TMEM74: variants seen among roughly 807,000 people sequenced by gnomAD.
TMEM74 encodes the protein transmembrane protein 74.
Under a neutral mutation model 18.1 loss-of-function variants are expected in TMEM74, and 13 were observed. The ratio of observed to expected loss-of-function variants is 0.72; its 90% CI spans 0.47 to 1.14. The LOEUF is 1.14. Among genes scored for constraint, TMEM74 ranks in the 50% most tolerant of loss-of-function variants. The pLI, the probability that TMEM74 is intolerant of heterozygous loss-of-function variation, is 0.00. For missense variants in TMEM74, 372 were observed against 375.9 expected (o/e 0.99, Z 0.09); for synonymous variants, 159 against 146.6 (o/e 1.08, Z -0.61).
rs189851922 is a variant in TMEM74, at chr8:108,644,492, T to C, written n.264+10801A>G. Among the ~76,000 whole-genome samples the C allele has an allele frequency of 1.7e-3, 264 of 152,158 alleles. 1 individual carries two copies. Among genetic ancestry groups the C allele is most frequent in the Non-Finnish European group, 2.8e-3 (190 of 67,994 alleles). On this transcript the variant is annotated intron_variant and non_coding_transcript_variant, in intron 2 of 3. Coordinates refer to the TMEM74 transcript ENST00000518838. ...AAAGCAATTGCACCGAAACCAAAAA[T>C]TGACACATGGGACCTAATTAAACAA... is the stretch of plus-strand genomic sequence containing the variant.
At chr8:108,695,124 C>T (rs953181447) in intron 1 of TMEM74, among the ~76,000 whole-genome samples, 1 of 152,150 alleles carries the variant, frequency 6.6e-6, no homozygotes, top group Admixed American at 6.5e-5. Context: ...GAGGTCAGCA[C>T]CAGCTGGCAT....
At chr8:108,768,848 A>G (rs1814139656) in intron 1 of TMEM74, among the ~76,000 whole-genome samples, 1 of 152,158 alleles carries the variant, frequency 6.6e-6, no homozygotes, top group Non-Finnish European at 1.5e-5. Context: ...GTAGAAGGGT[A>G]ATTCCAAGGG....
intron 1 of TMEM74, among the ~76,000 whole-genome samples, chr8:108,658,448 T>G (rs763804597): frequency 6.6e-6 from 1 of 152,052 alleles, no homozygotes; most frequent in East Asian, 1.9e-4. Flanking sequence ...ACATTAGAAA[T>G]GAGAGAAATG....
intron 1 of TMEM74, among the ~76,000 whole-genome samples, chr8:108,729,244 AGG>A (rs1212410233): frequency 1.3e-5 from 2 of 152,188 alleles, no homozygotes; most frequent in African/African-American, 4.8e-5. Flanking sequence ...GCTGTCAGCT[AGG>A]GGCTGGTCTT....
At chr8:108,765,301 C>T (rs1814091815) in intron 1 of TMEM74, among the ~76,000 whole-genome samples, 1 of 151,718 alleles carries the variant, frequency 6.6e-6, no homozygotes, top group Non-Finnish European at 1.5e-5. Context: ...AATTTTTAGT[C>T]AAGATTCTGA....
intron 2 of TMEM74, among the ~76,000 whole-genome samples, chr8:108,623,810 A>G (rs12544536): frequency 0.12 from 18,632 of 151,904 alleles, 1,546 homozygotes; most frequent in East Asian, 0.42. Context: ...ATGTCTGGAG[A>G]CATTTTTGAT....
At chr8:108,659,739 A>AC (rs1012691434) in intron 1 of TMEM74, among the ~76,000 whole-genome samples, 2 of 152,020 alleles carry the variant, frequency 1.3e-5, no homozygotes, top group Admixed American at 1.3e-4. Context: ...TTGCCCAGAT[A>AC]CCCCTCAAGG....
At chr8:108,710,916 T>A (rs1813468265) in intron 1 of TMEM74, among the ~76,000 whole-genome samples, 1 of 152,182 alleles carries the variant, frequency 6.6e-6, no homozygotes, top group African/African-American at 2.4e-5. Context: ...CCTTCCCATG[T>A]TATGGCTACA....
intron 2 of TMEM74, chr8:108,652,820 G>T: frequency 1.9e-6 from 1 of 529,704 alleles, no homozygotes; most frequent in South Asian, 1.7e-5. Context: ...TGAGTAGACT[G>T]GCTGGACAGA....
At chr8:108,624,559 C>A (rs1270103706) in intron 2 of TMEM74, among the ~76,000 whole-genome samples, 2 of 152,052 alleles carry the variant, frequency 1.3e-5, no homozygotes, top group Non-Finnish European at 2.9e-5. Context: ...CAAATATATT[C>A]CTAACTATAC....
At chr8:108,676,373 C>T (rs1813056387) in intron 1 of TMEM74, among the ~76,000 whole-genome samples, 1 of 152,182 alleles carries the variant, frequency 6.6e-6, no homozygotes, top group Admixed American at 6.5e-5. Flanking sequence ...CTGCCTCTTG[C>T]TGCCTTATTT....
At chr8:108,657,871 TA>T (rs1812856441) in intron 1 of TMEM74, among the ~76,000 whole-genome samples, 1 of 47,654 alleles carries the variant, frequency 2.1e-5, no homozygotes, top group African/African-American at 9.8e-5. Flanking sequence ...TATATATATA[TA>T]TATATATATA....
chr8:108,744,355 A>G (rs3019361), intron 1 of TMEM74, among the ~76,000 whole-genome samples: 60,213 of 151,968 alleles, frequency 0.4, 12,550 homozygotes, highest in African/African-American at 0.53. Context: ...CTCAATCATC[A>G]AGGTTTATTA....
chr8:108,752,912 A>G (rs541166954), intron 1 of TMEM74, among the ~76,000 whole-genome samples: 4 of 152,222 alleles, frequency 2.6e-5, no homozygotes, highest in Non-Finnish European at 4.4e-5. Context: ...TGAAAATCCT[A>G]TAAGTGAGCA....
rs547857751 is a variant in TMEM74 at position 108,751,982 on chromosome 8, T to C, written n.119+35494A>G. ...TATTAAAGAGAAAGAGGAAGCTGCATGGATGCTGGGGACTATGGTCGTGAA... is the reference window on the plus strand; with the variant it reads ...TATTAAAGAGAAAGAGGAAGCTGCACGGATGCTGGGGACTATGGTCGTGAA... On this transcript the variant is annotated intron_variant and non_coding_transcript_variant, in intron 1 of 3. Transcript: ENST00000518838. 1.1e-3 allele frequency among the ~76,000 whole-genome samples: 166 copies of C among 152,280 alleles called. No individual in the cohort carries two copies. The Middle Eastern group carries it at 0.02, about 19-fold the overall frequency.
intron 1 of TMEM74, among the ~76,000 whole-genome samples, chr8:108,709,564 G>A (rs889891661): frequency 3.3e-5 from 5 of 152,120 alleles, no homozygotes; most frequent in Non-Finnish European, 7.4e-5. Context: ...GTGGCATAAA[G>A]TTTCATTTAT....
intron 1 of TMEM74, among the ~76,000 whole-genome samples, chr8:108,765,060 C>T (rs1814088180): frequency 6.6e-6 from 1 of 152,164 alleles, no homozygotes; most frequent in Admixed American, 6.5e-5. Context: ...TTATCATTTT[C>T]AGGCACACAA....
At chr8:108,651,100 C>T (rs1319700249) in intron 2 of TMEM74, among the ~76,000 whole-genome samples, 2 of 152,076 alleles carry the variant, frequency 1.3e-5, no homozygotes, top group Non-Finnish European at 2.9e-5. Context: ...TTCTCCATAG[C>T]GCTTACTACC....
At chr8:108,614,081 C>A (rs141431954) in intron 2 of TMEM74, among the ~76,000 whole-genome samples, 4 of 136,634 alleles carry the variant, frequency 2.9e-5, no homozygotes, top group African/African-American at 5.5e-5. Context: ...TATAAATGAA[C>A]TGAAATAATC....
Sources: allele counts gnomAD v4.1 joint callset (sites outside exome capture counted in the v4.1 genomes callset), GRCh38; gene constraint gnomAD v4.1.1; transcripts MANE v1.5; gene names NCBI Gene and HGNC (gene_info 2026-07-23, HGNC 2026-07-21).